Variants in GRIP1 observed in about 807,000 individuals in gnomAD.
GRIP1 encodes the protein glutamate receptor interacting protein 1.
In GRIP1, 45 loss-of-function variants were observed where a neutral mutation model predicts 129.9. The ratio of observed to expected loss-of-function variants is 0.35; its 90% CI spans 0.27 to 0.44. The LOEUF is 0.44. Among genes scored for constraint, GRIP1 ranks in the 20% least tolerant of loss-of-function variants. The pLI, the probability that GRIP1 is intolerant of heterozygous loss-of-function variation, is 1.00. For synonymous variants in GRIP1, 530 were observed against 520.8 expected, an observed-to-expected ratio of 1.02 and a Z score of -0.24; for missense variants, 1,196 against 1,396.8, an observed-to-expected ratio of 0.86 and a Z score of 2.29.
chr12:66,880,100 C>T (rs531095065), intron 1 of GRIP1, among the ~76,000 whole-genome samples: 10 of 152,156 alleles, frequency 6.6e-5, no homozygotes, highest in Non-Finnish European at 1.0e-4. Flanking sequence ...GTAATTTGTA[C>T]AAGACCAGAT....
intron 1 of GRIP1, among the ~76,000 whole-genome samples, chr12:66,603,926 G>A (rs2064392475): frequency 2.6e-5 from 4 of 152,172 alleles, no homozygotes; most frequent in Admixed American, 2.6e-4. Context: ...TACATTTTAA[G>A]GTGGAGAGAG....
intron 1 of GRIP1, among the ~76,000 whole-genome samples, chr12:66,895,310 G>C (rs2040728348): frequency 6.6e-6 from 1 of 152,144 alleles, no homozygotes; most frequent in East Asian, 1.9e-4. Context: ...CACAATATCT[G>C]ATGGTTTCAT....
chr12:66,810,328 C>A (rs1264052461), intron 1 of GRIP1, among the ~76,000 whole-genome samples: 1 of 152,108 alleles, frequency 6.6e-6, no homozygotes, highest in Admixed American at 6.6e-5. Context: ...GAGGCCAAGG[C>A]GGGTGGATCA....
intron 1 of GRIP1, among the ~76,000 whole-genome samples, chr12:66,930,937 T>C (rs551799887): frequency 6.6e-6 from 1 of 152,274 alleles, no homozygotes; most frequent in East Asian, 1.9e-4. Context: ...TCCAGGATTC[T>C]AGTCTAATTT....
intron 1 of GRIP1, among the ~76,000 whole-genome samples, chr12:66,735,280 T>G (rs971524644): frequency 6.6e-6 from 1 of 152,142 alleles, no homozygotes; most frequent in African/African-American, 2.4e-5. Context: ...AAGATACTCA[T>G]AGAGAAAGTA....
At chr12:67,059,421 G>A (rs1205261376) in intron 1 of GRIP1, among the ~76,000 whole-genome samples, 1 of 152,216 alleles carries the variant, frequency 6.6e-6, no homozygotes, top group Non-Finnish European at 1.5e-5. Context: ...AATGTGCCAA[G>A]TCCAGAGCAG....
At chr12:66,970,639 T>C (rs1002458781) in intron 1 of GRIP1, among the ~76,000 whole-genome samples, 16 of 151,366 alleles carry the variant, frequency 1.1e-4, no homozygotes, top group Non-Finnish European at 1.2e-4. Context: ...TGCAGCTCTT[T>C]CAGCTGTAAT....
intron 1 of GRIP1, among the ~76,000 whole-genome samples, chr12:66,986,570 T>C (rs1158440158): frequency 2.0e-5 from 3 of 149,876 alleles, no homozygotes; most frequent in Non-Finnish European, 3.0e-5. Context: ...CAGTAAACTA[T>C]TGCAAGGACA....
intron 2 of GRIP1, among the ~76,000 whole-genome samples, chr12:66,566,924 G>T (rs772708291): frequency 1.1e-4 from 16 of 152,150 alleles, no homozygotes; most frequent in Non-Finnish European, 1.8e-4. Flanking sequence ...TTTCATGGAG[G>T]TGTTTATAGT....
intron 1 of GRIP1, among the ~76,000 whole-genome samples, chr12:66,853,343 C>T (rs968810824): frequency 7.2e-5 from 11 of 151,930 alleles, no homozygotes; most frequent in East Asian, 5.8e-4. Context: ...ATTAGATATA[C>T]GGCTTCATTT....
At chr12:66,808,546 C>G (rs1473870688), upstream of GRIP1, among the ~76,000 whole-genome samples, 3 of 152,190 alleles carry the variant, frequency 2.0e-5, no homozygotes, top group South Asian at 6.2e-4. Flanking sequence ...ATCTGCCCAC[C>G]TCGGCCTCCC....
At chr12:66,908,390 CAAG>C (rs761940618) in intron 1 of GRIP1, among the ~76,000 whole-genome samples, 100 of 152,114 alleles carry the variant, frequency 6.6e-4, no homozygotes, top group Non-Finnish European at 1.2e-3. Flanking sequence ...GAGAGGATTT[CAAG>C]AAGGAGGCAC....
At chr12:66,959,908 T>C (rs1009438764) in intron 1 of GRIP1, among the ~76,000 whole-genome samples, 1 of 152,146 alleles carries the variant, frequency 6.6e-6, no homozygotes, top group African/African-American at 2.4e-5. Flanking sequence ...AGTAGCATTA[T>C]AATGTAAAAT....
intron 1 of GRIP1, among the ~76,000 whole-genome samples, chr12:66,994,556 G>T (rs1376034803): frequency 6.6e-6 from 1 of 151,688 alleles, no homozygotes; most frequent in Admixed American, 6.6e-5. Flanking sequence ...CTATATACTT[G>T]CAATAAGGAA....
chr12:66,593,581 A>G (rs750041428), intron 2 of GRIP1, among the ~76,000 whole-genome samples: 37 of 152,238 alleles, frequency 2.4e-4, no homozygotes, highest in Non-Finnish European at 4.1e-4. Flanking sequence ...GTTTCAAAGA[A>G]CAGCTTAAAA....
intron 16 of GRIP1, among the ~76,000 whole-genome samples, chr12:66,402,937 T>C (rs1366629758): frequency 1.3e-5 from 2 of 152,200 alleles, no homozygotes; most frequent in African/African-American, 4.8e-5. Flanking sequence ...AGAATACAGA[T>C]AGTCCCCACT....
At chr12:66,726,290 C>T (rs2036252068) in intron 1 of GRIP1, among the ~76,000 whole-genome samples, 1 of 152,116 alleles carries the variant, frequency 6.6e-6, no homozygotes, top group Non-Finnish European at 1.5e-5. Context: ...AAAGATCAAA[C>T]TATTAAAGAC....
chr12:66,653,213 A>G (rs1270912044), intron 1 of GRIP1, among the ~76,000 whole-genome samples: 2 of 152,160 alleles, frequency 1.3e-5, no homozygotes, highest in Non-Finnish European at 2.9e-5. Flanking sequence ...ATAAAAAAAA[A>G]CCTCTTTCCT....
rs565814115 is a variant in GRIP1 at position 66,568,744 on chromosome 12, C to T, written c.137-26794G>A. On this transcript the variant is annotated intron_variant, in intron 2 of 24. Transcript: ENST00000359742. ...GGATTGTATTTAGAGAAGCCATTGACATGGCTTGGAGAAGTTAGACCGCTA... is the reference window on the plus strand; with the variant it reads ...GGATTGTATTTAGAGAAGCCATTGATATGGCTTGGAGAAGTTAGACCGCTA... 5.3e-4 allele frequency: 123 copies of T among 233,212 alleles called. 2 individuals are homozygous for T. The South Asian group carries it at 5.4e-3, about 10-fold the overall frequency. The allele number at this position is 233,212 out of a possible 1,614,324, so 14.4% of individuals were successfully genotyped here.
Sources: gnomAD v4.1 joint callset for allele counts (sites outside exome capture counted in the v4.1 genomes callset) on GRCh38, gnomAD v4.1.1 for gene constraint, MANE v1.5 for transcripts, NCBI Gene and HGNC (gene_info 2026-07-23, HGNC 2026-07-21) for gene names.